Variants in SLIT3 observed in about 807,000 individuals in gnomAD.
SLIT3 encodes slit homolog 3 protein.
In SLIT3, 68 loss-of-function variants were observed where a neutral mutation model predicts 184.0. That is an observed-to-expected ratio of 0.37 (90% CI 0.30 to 0.45). SLIT3 has a LOEUF of 0.45. SLIT3 is among the 20% of genes least tolerant of loss of function. The pLI is 1.00. For missense variants in SLIT3, 1,707 were observed against 2,026.0 expected (o/e 0.84, Z 3.02); for synonymous variants, 831 against 828.6 (o/e 1.00, Z -0.05).
At chr5:168,910,860 T>G (rs1238557590) in intron 4 of SLIT3, among the ~76,000 whole-genome samples, 1 of 152,210 alleles carries the variant, frequency 6.6e-6, no homozygotes, top group African/African-American at 2.4e-5. Flanking sequence ...GAACCTCTTT[T>G]AAAACACAGT....
intron 3 of SLIT3, among the ~76,000 whole-genome samples, chr5:169,234,354 T>C (rs576632045): frequency 1.3e-5 from 2 of 152,330 alleles, no homozygotes; most frequent in Admixed American, 1.3e-4. Flanking sequence ...TTGGAAGTGT[T>C]GACTGTGTCT....
intron 9 of SLIT3, among the ~76,000 whole-genome samples, chr5:168,797,453 C>T (rs1464547629): frequency 5.3e-5 from 8 of 152,226 alleles, no homozygotes; most frequent in African/African-American, 1.9e-4. Flanking sequence ...ATCCACTGCT[C>T]CCAACTGCAG....
Position 168,763,508 on chromosome 5 carries a change from T to C in SLIT3, c.1460-819A>G, listed in dbSNP as rs116612964. Reference sequence around the variant, plus strand: ...TTTCAGAGCACATTCTACATAACTATAGTGAAAGGCACGTTCTGATGAGCT... The same window carrying C: ...TTTCAGAGCACATTCTACATAACTACAGTGAAAGGCACGTTCTGATGAGCT... On this transcript the variant is annotated intron_variant, in intron 14 of 35. Coordinates refer to ENST00000519560, the MANE Select transcript of SLIT3 (RefSeq NM_003062.4). Among the ~76,000 whole-genome samples, 514 of 152,272 alleles carry C rather than the reference T, an allele frequency of 3.4e-3. 3 individuals are homozygous for C. Among genetic ancestry groups the C allele is most frequent in the African/African-American group, 0.011 (477 of 41,556 alleles).
chr5:169,117,225 A>G (rs1374752450), intron 4 of SLIT3, among the ~76,000 whole-genome samples: 20 of 152,158 alleles, frequency 1.3e-4, no homozygotes, highest in Admixed American at 5.9e-4. Flanking sequence ...CCACTTTACA[A>G]ACTGCCAGGA....
intron 4 of SLIT3, among the ~76,000 whole-genome samples, chr5:169,062,625 T>C (rs1297042718): frequency 6.6e-6 from 1 of 152,248 alleles, no homozygotes; most frequent in Admixed American, 6.5e-5. Flanking sequence ...TATTGCATTG[T>C]CTTCCTATTT....
intron 3 of SLIT3, among the ~76,000 whole-genome samples, chr5:169,200,313 G>A (rs1763871633): frequency 6.6e-6 from 1 of 152,224 alleles, no homozygotes; most frequent in African/African-American, 2.4e-5. Flanking sequence ...CAGGTCACCA[G>A]GACTGCTTGC....
intron 4 of SLIT3, among the ~76,000 whole-genome samples, chr5:169,174,533 A>G (rs1343503106): frequency 6.6e-6 from 1 of 152,168 alleles, no homozygotes; most frequent in African/African-American, 2.4e-5. Context: ...CAAGTTCTTT[A>G]AACTCTTTCC....
chr5:169,139,253 G>T lies in SLIT3; in HGVS notation c.413+54226C>A, dbSNP rs182568761. Among the ~76,000 whole-genome samples the T allele has an allele frequency of 5.3e-5, 8 of 152,280 alleles. No individual in the cohort carries two copies. The East Asian group carries it at 1.5e-3, about 29-fold the overall frequency. On this transcript the variant is annotated intron_variant, in intron 4 of 35. Coordinates refer to ENST00000519560, the MANE Select transcript of SLIT3 (RefSeq NM_003062.4). ...AGAACTACAGAAAAATACAAGGTTT[G>T]GTCCTTGTCCTCAAGAAACTTAGGG...
In SLIT3 at chr5:168,789,582, C is replaced by A; in HGVS notation, c.1057G>T (p.Gly353Cys). 1 of 1,613,598 alleles carries A rather than the reference C, an allele frequency of 6.2e-7. No homozygotes were observed. The change falls in exon 11 of 36, where the codon GGC becomes TGC. Residue 353 changes from glycine to cysteine, a missense_variant. Gly to Cys is a radical substitution (Grantham distance 159). Around this residue, in one of 3 missense-constraint regions of SLIT3, gnomAD observed 1,307 missense variants for 1,511.6 expected, o/e 0.86. Transcript: ENST00000519560. ...TACAGCGATGTGAGTGATTTCAGGC[C>A]CTGGAAGGCATCTGGAGCAATATCC... is the stretch of plus-strand genomic sequence containing the variant. Reference protein sequence around the residue: ...ISDIAPDAFQGLKSLTSLVLY... With the variant: ...ISDIAPDAFQCLKSLTSLVLY...
At chr5:168,755,722 C>T (rs915492387) in intron 16 of SLIT3, among the ~76,000 whole-genome samples, 2 of 152,274 alleles carry the variant, frequency 1.3e-5, no homozygotes, top group Non-Finnish European at 2.9e-5. Context: ...AGGCATGAGC[C>T]GCCATGCCTG....
At chr5:169,157,572 GC>G in intron 4 of SLIT3, among the ~76,000 whole-genome samples, 2 of 152,250 alleles carry the variant, frequency 1.3e-5, no homozygotes, top group South Asian at 4.1e-4. Flanking sequence ...CCATGTCAGA[GC>G]AGTATCAAAA....
At chr5:168,830,353 C>T (rs956530991) in intron 6 of SLIT3, among the ~76,000 whole-genome samples, 5 of 152,174 alleles carry the variant, frequency 3.3e-5, no homozygotes, top group African/African-American at 1.2e-4. Context: ...TTGCCCTTCT[C>T]ATCCAGCTGT....
intron 4 of SLIT3, among the ~76,000 whole-genome samples, chr5:168,982,644 A>G (rs1037891542): frequency 6.6e-6 from 1 of 152,194 alleles, no homozygotes; most frequent in African/African-American, 2.4e-5. Flanking sequence ...CCATCTCCAC[A>G]CATAATTGGA....
intron 3 of SLIT3, among the ~76,000 whole-genome samples, chr5:169,204,013 A>G (rs764717841): frequency 6.6e-6 from 1 of 152,154 alleles, no homozygotes; most frequent in African/African-American, 2.4e-5. Flanking sequence ...GTGGTAATTT[A>G]AAGCCATGAA....
rs745348925 is a variant in SLIT3, at chr5:168,685,852, G to T, written c.3390C>A (p.Asn1130Lys). The change falls in exon 31 of 36, where the codon AAC becomes AAA. Residue 1130 changes from asparagine (N) to lysine (K), a missense_variant. Coordinates refer to ENST00000519560, the MANE Select transcript of SLIT3 (RefSeq NM_003062.4). ...TSPCDQYECQ[N>K]GAQCIVVQQE... ...GCTGCACCACGATGCACTGGGCCCC[G>T]TTCTGGCACTCGTACTGGTCGCATG... 1.9e-6 allele frequency: 3 copies of T among 1,613,916 alleles called. No homozygotes were observed. Among genetic ancestry groups the T allele is most frequent in the Non-Finnish European group, 1.7e-6 (2 of 1,180,008 alleles).
rs910867511 is a variant in SLIT3 at position 169,259,863 on chromosome 5, G to A, written c.198-8404C>T. On this transcript the variant is annotated intron_variant, in intron 1 of 35. Coordinates refer to ENST00000519560, the MANE Select transcript of SLIT3 (RefSeq NM_003062.4). ...TTTTCAAGGAGCCTGGAGTCTAGCTGAGGATGAGCTAAGACTCAGGAGATT... is the reference window on the plus strand; with the variant it reads ...TTTTCAAGGAGCCTGGAGTCTAGCTAAGGATGAGCTAAGACTCAGGAGATT... Among the ~76,000 whole-genome samples the A allele has an allele frequency of 9.3e-5, 12 of 129,524 alleles. 1 individual carries two copies. The highest frequency in any genetic ancestry group is 4.4e-4 in the South Asian group (2 of 4,548). 85.0% of individuals were successfully genotyped at this position (129,524 alleles called of 152,430 possible).
chr5:169,166,652 C>G (rs1034100618), intron 4 of SLIT3, among the ~76,000 whole-genome samples: 8 of 152,170 alleles, frequency 5.3e-5, no homozygotes, highest in African/African-American at 1.9e-4. Flanking sequence ...AGTCCATCCC[C>G]AATATCACCT....
chr5:169,167,545 G>A (rs531701717), intron 4 of SLIT3, among the ~76,000 whole-genome samples: 2 of 151,848 alleles, frequency 1.3e-5, no homozygotes, highest in Admixed American at 1.3e-4. Context: ...CAAAGTGCTG[G>A]GATTACAGGC....
intron 4 of SLIT3, among the ~76,000 whole-genome samples, chr5:169,082,198 C>T (rs114339604): frequency 1.8e-3 from 279 of 152,306 alleles, no homozygotes; most frequent in African/African-American, 5.9e-3. Context: ...ATGTGGAAGC[C>T]ACGCCAAACA....
Sources: gnomAD v4.1 joint callset for allele counts (sites outside exome capture counted in the v4.1 genomes callset) on GRCh38, gnomAD v4.1.1 for gene constraint, gnomAD v4.1.1 regional missense constraint, MANE v1.5 for transcripts, NCBI Gene and HGNC (gene_info 2026-07-23, HGNC 2026-07-21) for gene names.